GNLY: variants seen among roughly 807,000 people sequenced by gnomAD.
GNLY encodes the protein T-cell activation protein 519.
GNLY carries 15 observed loss-of-function variants against 18.5 expected under a neutral mutation model. The observed-to-expected ratio is 0.81, with a 90% CI of 0.54 to 1.25. GNLY has a LOEUF of 1.25. Among genes scored for constraint, GNLY ranks in the 50% most tolerant of loss-of-function variants. The pLI is 0.00. For synonymous variants in GNLY, 77 were observed against 74.9 expected, an observed-to-expected ratio of 1.03 and a Z score of -0.14; for missense variants, 178 against 186.9, an observed-to-expected ratio of 0.95 and a Z score of 0.28.
intron 1 of GNLY, chr2:85,694,924 G>A (rs1359616082): frequency 6.4e-7 from 1 of 1,573,054 alleles, no homozygotes; most frequent in East Asian, 2.3e-5. Context: ...AGGCCTTGAG[G>A]TCAGTGTGAG....
In GNLY at chr2:85,698,715, TC is replaced by T. The variant is rs772823864; in HGVS notation, c.*145del. The T allele has an allele frequency of 2.4e-5, 38 of 1,577,886 alleles. No homozygotes were observed. The highest frequency in any genetic ancestry group is 2.8e-5 in the Non-Finnish European group (33 of 1,165,956). ...CCTCCCCTGACTCCCTCTGCTGTCCTCCCCTCTCACGAGAATAAAGTGTCAA... is the reference window on the plus strand; with the variant it reads ...CCTCCCCTGACTCCCTCTGCTGTCCTCCCTCTCACGAGAATAAAGTGTCAA... On this transcript the variant is annotated 3_prime_UTR_variant, in exon 5 of 5. Coordinates refer to ENST00000263863, the MANE Select transcript of GNLY (RefSeq NM_006433.5).
At chr2:85,697,224 A>G (rs968574074) in intron 3 of GNLY, 3 of 397,232 alleles carry the variant, frequency 7.6e-6, no homozygotes, top group Non-Finnish European at 1.4e-5. Context: ...CATGGGCACC[A>G]TTCTCCACAC....
chr2:85,698,134 A>G (rs974584094), intron 4 of GNLY, among the ~76,000 whole-genome samples: 16 of 152,178 alleles, frequency 1.1e-4, no homozygotes, highest in African/African-American at 3.9e-4. Flanking sequence ...AGCTGGGGCC[A>G]TATCCTCCCC....
At chr2:85,698,518 A>G (rs769241077) in intron 4 of GNLY, 46 bp from the exon 5 acceptor site, 1 of 1,612,880 alleles carries the variant, frequency 6.2e-7, no homozygotes, top group African/African-American at 1.3e-5. Context: ...CTTCTCCTTG[A>G]GGACCCACCA....
At position 85,694,816 on chromosome 2, in the gene GNLY, G is replaced by A. The variant is rs569423622; in HGVS notation, c.52+346G>A. ...CTCATCGGTGGATCTGCGTTTCCTC[G>A]GGCCTACACTGTCTAGGATTGTGCG... On this transcript the variant is annotated intron_variant, in intron 1 of 4. Coordinates refer to ENST00000263863, the MANE Select transcript of GNLY (RefSeq NM_006433.5). The A allele has an allele frequency of 2.9e-4, 420 of 1,460,268 alleles. 1 individual carries two copies. The highest frequency in any genetic ancestry group is 3.6e-4 in the Non-Finnish European group (402 of 1,111,710). 90.5% of individuals were successfully genotyped at this position (1,460,268 alleles called of 1,614,324 possible).
rs747338214 is a variant in GNLY, at chr2:85,694,406, C to A, written c.-13C>A. The A allele has an allele frequency of 1.9e-6, 3 of 1,613,300 alleles. No individual in the cohort carries two copies. Among genetic ancestry groups the A allele is most frequent in the Admixed American group, 3.3e-5 (2 of 59,996 alleles). On this transcript the variant is annotated 5_prime_UTR_variant, in exon 1 of 5. Coordinates refer to ENST00000263863, the MANE Select transcript of GNLY (RefSeq NM_006433.5). ...AAACAGGGTGTGAAAGGCATCTCAG[C>A]GGCTGCCCCACCATGGCTACCTGGG...
chr2:85,695,850 A>G, intron 2 of GNLY, 108 bp from the exon 3 acceptor site: 1 of 676,102 alleles, frequency 1.5e-6, no homozygotes, highest in Non-Finnish European at 2.6e-6. Context: ...GGAAGAGATC[A>G]CGGACATTCC....
In GNLY at chr2:85,697,510, G is replaced by A. The variant is rs1323206895; in HGVS notation, c.260G>A (p.Ser87Asn). 2 of 1,612,312 alleles carry A rather than the reference G, an allele frequency of 1.2e-6. No individual in the cohort carries two copies. The highest frequency in any genetic ancestry group is 8.5e-7 in the Non-Finnish European group (1 of 1,179,812). Reference sequence around the variant, plus strand: ...ACTGTGGTGCTGCTGCTGCAGAGAAGTGTTTCCAATGCTGCGACCCGGGTG... The same window carrying A: ...ACTGTGGTGCTGCTGCTGCAGAGAAATGTTTCCAATGCTGCGACCCGGGTG... Reference protein sequence around the residue: ...KKMVDKPTQRSVSNAATRVCR... With the variant: ...KKMVDKPTQRNVSNAATRVCR... Residue 87 changes from serine (S) to asparagine (N), a missense_variant, in exon 4 of 5, where the codon AGT becomes AAT. By Grantham distance (46) the Ser-to-Asn change is conservative (BLOSUM62 1). Coordinates refer to ENST00000263863, the MANE Select transcript of GNLY (RefSeq NM_006433.5).
At position 85,695,263 on chromosome 2, in the gene GNLY, C is replaced by A. The variant is rs924146719; in HGVS notation, c.53-57C>A. On this transcript the variant is annotated intron_variant, in intron 1 of 4. Coordinates refer to ENST00000263863, the MANE Select transcript of GNLY (RefSeq NM_006433.5). ...CCTGGACTCCCACCAGCCAGGAGAA[C>A]GGGCTTTCCCTCTCCTTCCGCCTGC... The A allele has an allele frequency of 7.9e-6, 10 of 1,264,600 alleles. No individual in the cohort carries two copies. In the East Asian group the frequency reaches 2.4e-4, roughly 30 times the overall value. The allele number at this position is 1,264,600 out of a possible 1,614,324, so 78.3% of individuals were successfully genotyped here. A position where few individuals can be genotyped will look rare whatever the true frequency, so the allele number is the denominator to read the frequency against.
intron 2 of GNLY, 58 bp from the exon 3 acceptor site, chr2:85,695,900 C>A: frequency 1.0e-6 from 1 of 998,648 alleles, no homozygotes; most frequent in Non-Finnish European, 1.6e-6. Flanking sequence ...TTCCTGGGCA[C>A]TTTCACGCGC....
In GNLY at chr2:85,695,892, C is replaced by G. The variant is rs115691465; in HGVS notation, c.157-66C>G. On this transcript the variant is annotated intron_variant, in intron 2 of 4. Coordinates refer to ENST00000263863, the MANE Select transcript of GNLY (RefSeq NM_006433.5). ...CCTCAGAAACACAAAGGGCCCCTTTCCTGGGCACTTTCACGCGCTCCCAGA... is the reference window on the plus strand; with the variant it reads ...CCTCAGAAACACAAAGGGCCCCTTTGCTGGGCACTTTCACGCGCTCCCAGA... 1,043 of 876,312 alleles carry G rather than the reference C, an allele frequency of 1.2e-3. 5 individuals are homozygous for G. The African/African-American group carries it at 0.015, about 13-fold the overall frequency. The allele number at this position is 876,312 out of a possible 1,614,324, so 54.3% of individuals were successfully genotyped here.
Position 85,698,844 on chromosome 2 carries a change from T to G in GNLY, c.*270T>G. The G allele has an allele frequency of 3.5e-6, 5 of 1,419,152 alleles. No homozygotes were observed. Among genetic ancestry groups the G allele is most frequent in the Non-Finnish European group, 4.6e-6 (5 of 1,084,838 alleles). The allele number at this position is 1,419,152 out of a possible 1,614,324, so 87.9% of individuals were successfully genotyped here. ...GTAGTCCTTCAATAAATGTCTGTCG[T>G]GTGTCCCATACACTGTTGTAGATGT... is the stretch of plus-strand genomic sequence containing the variant. On this transcript the variant is annotated 3_prime_UTR_variant, in exon 5 of 5. Transcript: ENST00000263863.
chr2:85,694,731 A>G, intron 1 of GNLY: 1 of 1,432,804 alleles, frequency 7.0e-7, no homozygotes, highest in Non-Finnish European at 9.1e-7. Context: ...GTGTGGCCTG[A>G]GACCCCCCTT....
intron 1 of GNLY, 156 bp downstream of exon 1, chr2:85,694,626 C>T: frequency 1.9e-6 from 2 of 1,051,302 alleles, no homozygotes; most frequent in South Asian, 3.2e-5. Flanking sequence ...CCCTCAGAGC[C>T]AGGCTTAGTC....
At position 85,696,028 on chromosome 2, in the gene GNLY, TGAA is replaced by T. The variant is rs1373295021; in HGVS notation, c.233_235del (p.Lys78del). On this transcript the variant is annotated inframe_deletion, in exon 3 of 5. Coordinates refer to ENST00000263863, the MANE Select transcript of GNLY (RefSeq NM_006433.5). ...ACCTGTCTGACGATAGTCCAAAAAC[TGAA>T]GAAGATGGTGGATAAGCCCACCCAG... 1.2e-6 allele frequency: 2 copies of T among 1,608,824 alleles called. No individual in the cohort carries two copies. Among genetic ancestry groups the T allele is most frequent in the South Asian group, 1.1e-5 (1 of 90,766 alleles).
chr2:85,697,781 A>C, intron 4 of GNLY, 104 bp downstream of exon 4: 5 of 766,692 alleles, frequency 6.5e-6, no homozygotes, highest in Non-Finnish European at 1.1e-5. Flanking sequence ...CCAGCTTGGG[A>C]AAGTGTGGAG....
chr2:85,694,693 T>G, intron 1 of GNLY: 1 of 1,375,454 alleles, frequency 7.3e-7, no homozygotes, highest in Non-Finnish European at 9.6e-7. Flanking sequence ...AGGCCAGGGA[T>G]TCTGGTCCTA....
At chr2:85,694,669 C>A in intron 1 of GNLY, 199 bp downstream of exon 1, 1 of 1,241,164 alleles carries the variant, frequency 8.1e-7, no homozygotes, top group Non-Finnish European at 1.1e-6. Flanking sequence ...CTGGCCTGGC[C>A]AAGGAGGAGA....
At chr2:85,694,704 A>G (rs916767509) in intron 1 of GNLY, 3 of 1,415,346 alleles carry the variant, frequency 2.1e-6, no homozygotes, top group Non-Finnish European at 2.8e-6. Context: ...TCTGGTCCTA[A>G]CTCTACTGGC....
Sources: allele counts gnomAD v4.1 joint callset (sites outside exome capture counted in the v4.1 genomes callset), GRCh38; gene constraint gnomAD v4.1.1; transcripts MANE v1.5; gene names NCBI Gene and HGNC (gene_info 2026-07-23, HGNC 2026-07-21).